The following NLGN1 variants were observed in gnomAD, a reference collection of about 807,000 sequenced individuals.
NLGN1 encodes neuroligin 1.
A neutral mutation model predicts 65.5 loss-of-function variants in NLGN1; 12 were observed. The observed-to-expected ratio is 0.18, with a 90% CI of 0.12 to 0.30. NLGN1 has a LOEUF of 0.30. Among genes scored for constraint, NLGN1 ranks in the 10% least tolerant of loss-of-function variants. NLGN1 has a pLI of 1.00. For missense variants in NLGN1, 750 were observed against 1,007.1 expected (o/e 0.74, Z 3.46); for synonymous variants, 350 against 359.5 (o/e 0.97, Z 0.30).
chr3:173,463,207 T>G (rs542362431), intron 2 of NLGN1, among the ~76,000 whole-genome samples: 58 of 152,334 alleles, frequency 3.8e-4, no homozygotes, highest in South Asian at 8.3e-4. Flanking sequence ...ATCAGTCTTA[T>G]TAACTATTCT....
At position 173,425,421 on chromosome 3, in the gene NLGN1, A is replaced by AGAT. The variant is rs1715913991; in HGVS notation, c.-389-9588_-389-9586dup. Among the ~76,000 whole-genome samples the AGAT allele has an allele frequency of 6.6e-5, 10 of 152,244 alleles. No homozygotes were observed. In the South Asian group the frequency reaches 2.1e-3, roughly 32 times the overall value. On this transcript the variant is annotated intron_variant, in intron 1 of 6. Transcript: ENST00000457714. The stretch of plus-strand genomic sequence containing the variant: ...GTGTTACCCAAAAAAATCATTGTCC[A>AGAT]GATTAATGTCCTAAAATGTTTTCCC...
intron 3 of NLGN1, among the ~76,000 whole-genome samples, chr3:173,711,848 T>C (rs1769046313): frequency 6.6e-6 from 1 of 152,114 alleles, no homozygotes. Flanking sequence ...TCTGGATGCC[T>C]CCCGACACAC....
intron 3 of NLGN1, among the ~76,000 whole-genome samples, chr3:173,675,059 T>G (rs1168935001): frequency 6.6e-6 from 1 of 152,090 alleles, no homozygotes; most frequent in Non-Finnish European, 1.5e-5. Flanking sequence ...GATTGACAGC[T>G]GTATGCTTTT....
chr3:174,238,673 T>C (rs1292983932), intron 4 of NLGN1, among the ~76,000 whole-genome samples: 1 of 152,196 alleles, frequency 6.6e-6, no homozygotes, highest in Non-Finnish European at 1.5e-5. Flanking sequence ...GAAGTACTTC[T>C]TATGTTTTTT....
At chr3:173,761,795 A>T (rs1360775132) in intron 3 of NLGN1, among the ~76,000 whole-genome samples, 2 of 152,040 alleles carry the variant, frequency 1.3e-5, no homozygotes, top group Non-Finnish European at 2.9e-5. Flanking sequence ...TCTCTGATTT[A>T]AACTTATCAA....
rs116059423 is a variant in NLGN1 at position 174,070,275 on chromosome 3, C to A, written c.647-205040C>A. Among the ~76,000 whole-genome samples, 933 of 151,892 alleles carry A rather than the reference C, an allele frequency of 6.1e-3. 22 individuals carry two copies. Among genetic ancestry groups the A allele is most frequent in the East Asian group, 0.037 (193 of 5,172 alleles). On this transcript the variant is annotated intron_variant, in intron 4 of 6. Coordinates refer to ENST00000457714, the Ensembl canonical transcript of NLGN1. ...GAATAAAAGCCTGAAACTATGCCTT[C>A]TACTTGGTTATTATTTGCAAGATAG... is the stretch of plus-strand genomic sequence containing the variant.
At chr3:173,944,124 G>GTTGTGTGTTTGT (rs34721217) in intron 4 of NLGN1, among the ~76,000 whole-genome samples, 24 of 139,512 alleles carry the variant, frequency 1.7e-4, no homozygotes, top group African/African-American at 6.3e-4. Flanking sequence ...TAATATTATG[G>GTTGTGTGTTTGT]GTGTGTGTGT....
At chr3:174,120,881 A>G (rs943550745) in intron 4 of NLGN1, among the ~76,000 whole-genome samples, 2 of 152,172 alleles carry the variant, frequency 1.3e-5, no homozygotes, top group Admixed American at 6.5e-5. Flanking sequence ...TCCAGGCTTC[A>G]CTGCTCACGA....
At chr3:173,761,158 A>G (rs576781233) in intron 3 of NLGN1, among the ~76,000 whole-genome samples, 28 of 152,162 alleles carry the variant, frequency 1.8e-4, no homozygotes, top group Non-Finnish European at 3.8e-4. Context: ...TATAGACTGA[A>G]TATAAGTTAG....
At chr3:174,256,958 A>G (rs1484352405) in intron 4 of NLGN1, among the ~76,000 whole-genome samples, 4 of 152,180 alleles carry the variant, frequency 2.6e-5, no homozygotes, top group Non-Finnish European at 5.9e-5. Flanking sequence ...GAAATTATCA[A>G]CAGAGAAAAC....
intron 2 of NLGN1, among the ~76,000 whole-genome samples, chr3:173,547,358 T>C (rs1460735608): frequency 6.6e-6 from 1 of 152,124 alleles, no homozygotes; most frequent in African/African-American, 2.4e-5. Context: ...GCCTTTCCTT[T>C]AAAAAGGAAA....
At chr3:173,824,573 T>C (rs111623340) in intron 4 of NLGN1, among the ~76,000 whole-genome samples, 5 of 116,192 alleles carry the variant, frequency 4.3e-5, no homozygotes, top group African/African-American at 1.4e-4. Flanking sequence ...GTGTATGACA[T>C]GTGTGTATTG....
intron 2 of NLGN1, among the ~76,000 whole-genome samples, chr3:173,449,158 G>A (rs890299987): frequency 2.0e-5 from 3 of 151,894 alleles, no homozygotes; most frequent in East Asian, 1.9e-4. Context: ...TGATGTTAGG[G>A]TGTCAATTTT....
rs139426452 is a variant in NLGN1 at position 173,701,425 on chromosome 3, G to C, written c.493+96334G>C. On this transcript the variant is annotated intron_variant, in intron 3 of 6. Transcript: ENST00000457714. ...AAAACTCAGAGTAATGAGGCCACAA[G>C]CCAAGGCATGTAAGCAGCATCTAGA... 1.4e-4 allele frequency among the ~76,000 whole-genome samples: 22 copies of C among 152,178 alleles called. No individual in the cohort carries two copies. The East Asian group carries it at 3.3e-3, about 23-fold the overall frequency.
At chr3:173,956,738 A>G (rs1712162578) in intron 4 of NLGN1, among the ~76,000 whole-genome samples, 1 of 152,148 alleles carries the variant, frequency 6.6e-6, no homozygotes, top group South Asian at 2.1e-4. Context: ...TTCTAAATAG[A>G]ACAAAGCATA....
chr3:174,205,555 G>A (rs1735239735), intron 4 of NLGN1, among the ~76,000 whole-genome samples: 2 of 152,098 alleles, frequency 1.3e-5, no homozygotes, highest in South Asian at 4.1e-4. Flanking sequence ...TGCTGTCATA[G>A]TATCTGTATA....
At chr3:173,944,389 T>A (rs1224994040) in intron 4 of NLGN1, among the ~76,000 whole-genome samples, 2 of 152,064 alleles carry the variant, frequency 1.3e-5, no homozygotes, top group Admixed American at 6.6e-5. Context: ...CAACATGAAG[T>A]CAATAGAAAC....
intron 1 of NLGN1, among the ~76,000 whole-genome samples, chr3:173,420,813 C>T (rs505266): frequency 6.6e-6 from 1 of 152,024 alleles, no homozygotes; most frequent in Non-Finnish European, 1.5e-5. Context: ...GCCTATCTTT[C>T]CACACTAATT....
intron 4 of NLGN1, among the ~76,000 whole-genome samples, chr3:174,243,122 A>T (rs961882): frequency 1.3e-5 from 2 of 152,034 alleles, no homozygotes; most frequent in Non-Finnish European, 2.9e-5. Flanking sequence ...GTCTTGGAAA[A>T]CTGAATAGAT....
Sources: gnomAD v4.1 joint callset for allele counts (sites outside exome capture counted in the v4.1 genomes callset) on GRCh38, gnomAD v4.1.1 for gene constraint, MANE v1.5 for transcripts, NCBI Gene and HGNC (gene_info 2026-07-23, HGNC 2026-07-21) for gene names.